Variants in PABPC3 observed in about 807,000 individuals in gnomAD.
PABPC3 encodes polyadenylate-binding protein 3.
PABPC3 carries 43 observed loss-of-function variants against 43.0 expected under a neutral mutation model. That is an observed-to-expected ratio of 1.00 (90% CI 0.78 to 1.29). The LOEUF (loss-of-function observed/expected upper bound fraction) is 1.29. PABPC3 is among the 50% of genes most tolerant of loss of function. The pLI is 0.00. For synonymous variants in PABPC3, 221 were observed against 274.6 expected (o/e 0.80, Z 1.93); for missense variants, 784 against 798.1 (o/e 0.98, Z 0.21).
chr13:25,099,202 A>C lies in PABPC3; in HGVS notation c.*1108A>C. On this transcript the variant is annotated 3_prime_UTR_variant, in exon 1 of 1. Transcript: ENST00000281589. ...AGTAGAGGCTGTGACATTGCACTACATAGAAATATAATTATACCATATTAC... is the reference window on the plus strand; with the variant it reads ...AGTAGAGGCTGTGACATTGCACTACCTAGAAATATAATTATACCATATTAC... 1.2e-5 allele frequency: 2 copies of C among 166,028 alleles called. No homozygotes were observed. The allele number at this position is 166,028 out of a possible 1,614,324, so 10.3% of individuals were successfully genotyped here. A position where few individuals can be genotyped will look rare whatever the true frequency, so the allele number is the denominator to read the frequency against.
In PABPC3 at chr13:25,096,906, A is replaced by C. The variant is rs1472531450; in HGVS notation, c.708A>C (p.Val236=). The C allele has an allele frequency of 6.2e-7, 1 of 1,614,290 alleles. No homozygotes were observed. The highest frequency in any genetic ancestry group is 2.2e-5 in the East Asian group (1 of 44,896). ...ESGKSKGFGF[V]SFERHEDAQK... ...GAAAATCCAAAGGATTTGGATTTGT[A>C]AGCTTTGAAAGGCATGAAGATGCAC... is the stretch of plus-strand genomic sequence containing the variant. The change falls in exon 1 of 1, where the codon GTA becomes GTC. Residue 236 remains valine (V), a synonymous_variant. Transcript: ENST00000281589.
Position 25,096,229 on chromosome 13 carries a change from G to C in PABPC3, c.31G>C (p.Ala11Pro). Reference sequence around the variant, plus strand: ...CCCCAGCACCCCCAGCTACCCAACGGCCTCGCTCTACGTGGGGGACCTCCA... The same window carrying C: ...CCCCAGCACCCCCAGCTACCCAACGCCCTCGCTCTACGTGGGGGACCTCCA... MNPSTPSYPT[A>P]SLYVGDLHPD... is the part of the protein sequence containing the mutation. The change falls in exon 1 of 1, where the codon GCC (alanine) becomes CCC (proline). Residue 11 changes from alanine to proline, a missense_variant. Transcript: ENST00000281589. 1.2e-6 allele frequency: 2 copies of C among 1,614,034 alleles called. No homozygotes were observed. Among genetic ancestry groups the C allele is most frequent in the Middle Eastern group, 1.7e-4 (1 of 6,060 alleles).
In PABPC3 at chr13:25,096,391, G is replaced by GCGGAGCATGCTCTGGACA; in HGVS notation, c.195_212dup (p.Glu66_Thr71dup). 2.5e-6 allele frequency: 4 copies of GCGGAGCATGCTCTGGACA among 1,614,226 alleles called. No homozygotes were observed. In the South Asian group the frequency reaches 4.4e-5, roughly 18 times the overall value. The stretch of plus-strand genomic sequence containing the variant: ...TGTGAACTTCCAGCATACGAAGGAC[G>GCGGAGCATGCTCTGGACA]CGGAGCATGCTCTGGACACCATGAA... On this transcript the variant is annotated inframe_insertion, in exon 1 of 1. Coordinates refer to ENST00000281589, the MANE Select transcript of PABPC3 (RefSeq NM_030979.3).
chr13:25,097,820 C>G lies in PABPC3; in HGVS notation c.1622C>G (p.Thr541Ser). The change falls in exon 1 of 1, where the codon ACT (threonine) becomes AGT (serine). Residue 541 changes from threonine (T) to serine (S), a missense_variant. Physicochemically the swap from Thr to Ser is moderately conservative, Grantham distance 58 (BLOSUM62 1). Coordinates refer to ENST00000281589, the MANE Select transcript of PABPC3 (RefSeq NM_030979.3). Reference sequence around the variant, plus strand: ...CATGTACAAGGTCAGGAAACTTTGACTGCCTCCAGGTTGGCATCTGCCCCT... The same window carrying G: ...CATGTACAAGGTCAGGAAACTTTGAGTGCCTCCAGGTTGGCATCTGCCCCT... ...AVHVQGQETL[T>S]ASRLASAPPQ... 2 of 1,613,982 alleles carry G rather than the reference C, an allele frequency of 1.2e-6. No individual in the cohort carries two copies. Among genetic ancestry groups the G allele is most frequent in the Non-Finnish European group, 1.7e-6 (2 of 1,179,834 alleles).
In PABPC3 at chr13:25,097,211, T is replaced by A. The variant is rs188787435; in HGVS notation, c.1013T>A (p.Val338Glu). 88 of 1,614,300 alleles carry A rather than the reference T, an allele frequency of 5.5e-5. No homozygotes were observed. In the East Asian group the frequency reaches 1.9e-3, roughly 35 times the overall value. ...GGTCGCAGCAAAGGGTTTGGTTTTG[T>A]ATGTTTCTCCTCCCCAGAAGAAGCC... is the stretch of plus-strand genomic sequence containing the variant. Reference protein sequence around the residue: ...EGGRSKGFGFVCFSSPEEATK... With the variant: ...EGGRSKGFGFECFSSPEEATK... The change falls in exon 1 of 1, where the codon GTA becomes GAA. Residue 338 changes from valine to glutamate, a missense_variant. Val to Glu is a moderately radical substitution (Grantham distance 121). Transcript: ENST00000281589.
At chr13:25,097,667 C>CTGCT in the PABPC3 span, 1 of 1,462,534 alleles carries the variant, frequency 6.8e-7, no homozygotes. Context: ...CGTCCTGCAG[C>CTGCT]TGCTGCTGCT....
In PABPC3 at chr13:25,097,428, T is replaced by A. The variant is rs1346706859; in HGVS notation, c.1230T>A (p.Thr410=). The part of the protein sequence containing the change: ...SGYFMTAVPQ[T]QNHAAYYPPS... ...ACTTCATGACAGCTGTCCCACAGAC[T>A]CAGAACCATGCTGCATACTATCCTC... The change falls in exon 1 of 1, where the codon ACT becomes ACA. Residue 410 remains threonine, a synonymous_variant. Transcript: ENST00000281589. 1 of 1,614,144 alleles carries A rather than the reference T, an allele frequency of 6.2e-7. No individual in the cohort carries two copies. Among genetic ancestry groups the A allele is most frequent in the East Asian group, 2.2e-5 (1 of 44,884 alleles).
Position 25,097,292 on chromosome 13 carries a change from T to C in PABPC3, c.1094T>C (p.Val365Ala). 6.2e-7 allele frequency: 1 copy of C among 1,614,282 alleles called. No individual in the cohort carries two copies. The highest frequency in any genetic ancestry group is 1.1e-5 in the South Asian group (1 of 91,088). The change falls in exon 1 of 1, where the codon GTA becomes GCA. Residue 365 changes from valine (V) to alanine (A), a missense_variant. Transcript: ENST00000281589. ...GRIVATKPLY[V>A]ALAQRKEERQ... ...ATTGTGGCCACAAAGCCATTGTATG[T>C]AGCTTTAGCTCAGCGCAAAGAAGAG...
chr13:25,098,062 G>A lies in PABPC3; in HGVS notation c.1864G>A (p.Val622Ile). 1 of 1,613,968 alleles carries A rather than the reference G, an allele frequency of 6.2e-7. No homozygotes were observed. Among genetic ancestry groups the A allele is most frequent in the Non-Finnish European group, 8.5e-7 (1 of 1,179,860 alleles). The change falls in exon 1 of 1, where the codon GTT becomes ATT. Residue 622 changes from valine to isoleucine, a missense_variant. Transcript: ENST00000281589. ...AGCTAAAGAGGCTACCCAGAAAGCA[G>A]TTAACAGTGCTACCGGTGTTCCAAC... ...HQAKEATQKA[V>I]NSATGVPTV
Position 25,097,964 on chromosome 13 carries a change from T to C in PABPC3, c.1766T>C (p.Leu589Pro), listed in dbSNP as rs117535684. Residue 589 changes from leucine to proline, a missense_variant, in exon 1 of 1, where the codon CTT (leucine) becomes CCT (proline). Coordinates refer to ENST00000281589, the MANE Select transcript of PABPC3 (RefSeq NM_030979.3). ...MLLEIDNSEL[L>P]YMLESPESLR... is the part of the protein sequence containing the mutation. ...TTGGAGATTGATAATTCAGAACTTC[T>C]TTATATGCTCGAGTCTCCAGAGTCA... 740 of 1,614,020 alleles carry C rather than the reference T, an allele frequency of 4.6e-4. No individual in the cohort carries two copies. The highest frequency in any genetic ancestry group is 5.9e-4 in the Non-Finnish European group (695 of 1,179,868).
Position 25,097,783 on chromosome 13 carries a change from C to A in PABPC3, c.1585C>A (p.Gln529Lys). The A allele has an allele frequency of 6.2e-7, 1 of 1,614,142 alleles. No homozygotes were observed. The highest frequency in any genetic ancestry group is 8.5e-7 in the Non-Finnish European group (1 of 1,180,008). ...RNAQPQVTMQ[Q>K]LAVHVQGQET... ...TGCACAGCCACAAGTTACAATGCAA[C>A]AGCTTGCTGTTCATGTACAAGGTCA... The change falls in exon 1 of 1, where the codon CAG becomes AAG. Residue 529 changes from glutamine (Q) to lysine (K), a missense_variant. By Grantham distance (53) the Gln-to-Lys change is moderately conservative. Transcript: ENST00000281589.
Position 25,096,620 on chromosome 13 carries a change from G to T in PABPC3, c.422G>T (p.Gly141Val), listed in dbSNP as rs1466529083. Reference protein sequence around the residue: ...VCDENGSKGYGFVHFETHEAA... With the variant: ...VCDENGSKGYVFVHFETHEAA... Reference sequence around the variant, plus strand: ...GATGAAAATGGTTCCAAGGGTTATGGATTTGTACACTTTGAGACACACGAA... The same window carrying T: ...GATGAAAATGGTTCCAAGGGTTATGTATTTGTACACTTTGAGACACACGAA... Residue 141 changes from glycine (G) to valine (V), a missense_variant, in exon 1 of 1, where the codon GGA (glycine) becomes GTA (valine). Transcript: ENST00000281589. The T allele has an allele frequency of 1.2e-6, 2 of 1,614,124 alleles. No individual in the cohort carries two copies. The highest frequency in any genetic ancestry group is 1.7e-6 in the Non-Finnish European group (2 of 1,180,060).
Position 25,097,357 on chromosome 13 carries a change from G to A in PABPC3, c.1159G>A (p.Ala387Thr). Residue 387 changes from alanine to threonine, a missense_variant, in exon 1 of 1, where the codon GCA becomes ACA. Physicochemically the swap from Ala to Thr is moderately conservative, Grantham distance 58. Transcript: ENST00000281589. ...CACTAACGAGTATATGCAGAGAATG[G>A]CAAGTGTACGAGCTGTGCCCAACCA... ...YLTNEYMQRM[A>T]SVRAVPNQRA... 1 of 1,614,210 alleles carries A rather than the reference G, an allele frequency of 6.2e-7. No homozygotes were observed. The highest frequency in any genetic ancestry group is 8.5e-7 in the Non-Finnish European group (1 of 1,180,040).
Position 25,098,187 on chromosome 13 carries a change from A to G in PABPC3, c.*93A>G. ...TATGGGAAAAAAAATTGCAAAATCTAAAATAAAAAATGCAAAATCTAAAAT... is the reference window on the plus strand; with the variant it reads ...TATGGGAAAAAAAATTGCAAAATCTGAAATAAAAAATGCAAAATCTAAAAT... On this transcript the variant is annotated 3_prime_UTR_variant, in exon 1 of 1. Coordinates refer to ENST00000281589, the MANE Select transcript of PABPC3 (RefSeq NM_030979.3). 2 of 1,159,226 alleles carry G rather than the reference A, an allele frequency of 1.7e-6. No homozygotes were observed. The highest frequency in any genetic ancestry group is 2.5e-6 in the Non-Finnish European group (2 of 797,338). 71.8% of individuals were successfully genotyped at this position (1,159,226 alleles called of 1,614,324 possible). A position where few individuals can be genotyped will look rare whatever the true frequency, so the allele number is the denominator to read the frequency against.
At position 25,099,166 on chromosome 13, in the gene PABPC3, C is replaced by T. The variant is rs1351396594; in HGVS notation, c.*1072C>T. ...AAAGGACAGCCCATTTGAGCATTCT[C>T]CTTTAAGATGAGTAGAGGCTGTGAC... On this transcript the variant is annotated 3_prime_UTR_variant, in exon 1 of 1. Transcript: ENST00000281589. 1 of 165,776 alleles carries T rather than the reference C, an allele frequency of 6.0e-6. No individual in the cohort carries two copies. Among genetic ancestry groups the T allele is most frequent in the African/African-American group, 2.4e-5 (1 of 41,276 alleles). The allele number at this position is 165,776 out of a possible 1,614,324, so 10.3% of individuals were successfully genotyped here.
At position 25,097,681 on chromosome 13, in the gene PABPC3, G is replaced by T. The variant is rs1407716993; in HGVS notation, c.1483G>T (p.Ala495Ser). The change falls in exon 1 of 1, where the codon GCA becomes TCA. Residue 495 changes from alanine (A) to serine (S), a missense_variant. Physicochemically the swap from Ala to Ser is moderately conservative, Grantham distance 99. Transcript: ENST00000281589. Reference protein sequence around the residue: ...GPRPAAAAAAAATPAVRTVPR... With the variant: ...GPRPAAAAAASATPAVRTVPR... ...ACGTCCTGCAGCTGCTGCTGCTGCTGCAGCTACCCCTGCTGTGCGCACGGT... is the reference window on the plus strand; with the variant it reads ...ACGTCCTGCAGCTGCTGCTGCTGCTTCAGCTACCCCTGCTGTGCGCACGGT... 1.2e-6 allele frequency: 2 copies of T among 1,614,086 alleles called. No individual in the cohort carries two copies. Among genetic ancestry groups the T allele is most frequent in the South Asian group, 2.2e-5 (2 of 91,082 alleles).
Position 25,097,163 on chromosome 13 carries a change from G to A in PABPC3, c.965G>A (p.Ser322Asn), listed in dbSNP as rs774168359. ...KAFSPFGTIT[S>N]AKVMMEGGRS... ...TTTTCTCCATTTGGTACAATCACTA[G>A]TGCAAAGGTTATGATGGAAGGTGGT... The change falls in exon 1 of 1, where the codon AGT (serine) becomes AAT (asparagine). Residue 322 changes from serine to asparagine, a missense_variant. By Grantham distance (46) the Ser-to-Asn change is conservative (BLOSUM62 1). Transcript: ENST00000281589. The A allele has an allele frequency of 1.9e-6, 3 of 1,614,282 alleles. No individual in the cohort carries two copies. Among genetic ancestry groups the A allele is most frequent in the East Asian group, 2.2e-5 (1 of 44,894 alleles).
At position 25,098,267 on chromosome 13, in the gene PABPC3, C is replaced by G. The variant is rs1010018906; in HGVS notation, c.*173C>G. 3 of 603,776 alleles carry G rather than the reference C, an allele frequency of 5.0e-6. No homozygotes were observed. Among genetic ancestry groups the G allele is most frequent in the African/African-American group, 3.7e-5 (2 of 53,432 alleles). The allele number at this position is 603,776 out of a possible 1,614,324, so 37.4% of individuals were successfully genotyped here. A position where few individuals can be genotyped will look rare whatever the true frequency, so the allele number is the denominator to read the frequency against. ...TGTACCGAGCAAATGCAAGGTCTAGCAAATATAATGCTAGTCCTAGATTAC... is the reference window on the plus strand; with the variant it reads ...TGTACCGAGCAAATGCAAGGTCTAGGAAATATAATGCTAGTCCTAGATTAC... On this transcript the variant is annotated 3_prime_UTR_variant, in exon 1 of 1. Transcript: ENST00000281589.
At position 25,098,780 on chromosome 13, in the gene PABPC3, ATTAAT is replaced by A. The variant is rs1210476840; in HGVS notation, c.*690_*694del. ...ATTTGTTCAAAATTGTAAGACAATT[ATTAAT>A]TTATACTGCATTATTTTTAAATAAA... is the stretch of plus-strand genomic sequence containing the variant. On this transcript the variant is annotated 3_prime_UTR_variant, in exon 1 of 1. Coordinates refer to ENST00000281589, the MANE Select transcript of PABPC3 (RefSeq NM_030979.3). 6.0e-6 allele frequency: 1 copy of A among 166,750 alleles called. No individual in the cohort carries two copies. The highest frequency in any genetic ancestry group is 1.5e-5 in the Non-Finnish European group (1 of 68,068). The allele number at this position is 166,750 out of a possible 1,614,324, so 10.3% of individuals were successfully genotyped here. A position where few individuals can be genotyped will look rare whatever the true frequency, so the allele number is the denominator to read the frequency against.
Sources: allele counts gnomAD v4.1 joint callset, GRCh38; gene constraint gnomAD v4.1.1; transcripts MANE v1.5; gene names NCBI Gene and HGNC (gene_info 2026-07-23, HGNC 2026-07-21).